The following GFOD1 variants were observed in gnomAD, a reference collection of about 807,000 sequenced individuals.
GFOD1 encodes glucose-fructose oxidoreductase domain-containing protein 1.
In GFOD1, 9 loss-of-function variants were observed where a neutral mutation model predicts 25.4. That is an observed-to-expected ratio of 0.35 (90% CI 0.21 to 0.62). The LOEUF (loss-of-function observed/expected upper bound fraction) is 0.62. Ranked by LOEUF, GFOD1 falls within the 20% of genes least tolerant of loss-of-function variation. The pLI, the probability that GFOD1 is intolerant of heterozygous loss-of-function variation, is 0.72. For missense variants in GFOD1, 403 were observed against 556.9 expected (o/e 0.72, Z 2.78); for synonymous variants, 253 against 245.6 (o/e 1.03, Z -0.28).
Position 13,363,285 on chromosome 6 carries a change from T to A in GFOD1, c.*1458A>T, listed in dbSNP as rs2127553898. 6.6e-6 allele frequency: 1 copy of A among 152,068 alleles called. No homozygotes were observed. Among genetic ancestry groups the A allele is most frequent in the Non-Finnish European group, 1.5e-5 (1 of 68,030 alleles). The allele number at this position is 152,068 out of a possible 1,614,324, so 9.4% of individuals were successfully genotyped here. A position where few individuals can be genotyped will look rare whatever the true frequency, so the allele number is the denominator to read the frequency against. On this transcript the variant is annotated 3_prime_UTR_variant, in exon 2 of 2. Coordinates refer to ENST00000379287, the MANE Select transcript of GFOD1 (RefSeq NM_018988.4). ...TCTGTTCCCTTTTGGCACTGCCTGC[T>A]CCCAGCCTGCAGTTCAGCATCTCTA...
chr6:13,405,130 G>A (rs1043698037), intron 1 of GFOD1, among the ~76,000 whole-genome samples: 1 of 152,082 alleles, frequency 6.6e-6, no homozygotes, highest in African/African-American at 2.4e-5. Flanking sequence ...GGTTTGCAGA[G>A]CCTCTTCTTT....
At chr6:13,378,591 T>C (rs1001799241) in intron 1 of GFOD1, among the ~76,000 whole-genome samples, 3 of 152,196 alleles carry the variant, frequency 2.0e-5, no homozygotes, top group African/African-American at 4.8e-5. Flanking sequence ...CCAGCCATTA[T>C]AGTGCTGGGG....
Position 13,482,251 on chromosome 6 carries a change from AAT to A in GFOD1, c.253+4385_253+4386del, listed in dbSNP as rs1428615066. Among the ~76,000 whole-genome samples, 9 of 148,564 alleles carry A rather than the reference AAT, an allele frequency of 6.1e-5. No homozygotes were observed. The South Asian group carries it at 1.9e-3, about 31-fold the overall frequency. On this transcript the variant is annotated intron_variant, in intron 1 of 1. Coordinates refer to ENST00000379287, the MANE Select transcript of GFOD1 (RefSeq NM_018988.4). ...TAATGCATATTAACTGATTAAATAT[AAT>A]TTATATTAATATTTATATTGCTTAA...
At chr6:13,464,244 G>A (rs562682604) in intron 1 of GFOD1, among the ~76,000 whole-genome samples, 2 of 152,260 alleles carry the variant, frequency 1.3e-5, no homozygotes, top group East Asian at 3.9e-4. Context: ...TGGACACACA[G>A]CCAGGCAAGT....
chr6:13,421,585 C>T (rs1442507615), intron 1 of GFOD1, among the ~76,000 whole-genome samples: 1 of 152,142 alleles, frequency 6.6e-6, no homozygotes, highest in Non-Finnish European at 1.5e-5. Flanking sequence ...CCACACTATC[C>T]CAACCTCTAT....
intron 1 of GFOD1, among the ~76,000 whole-genome samples, chr6:13,428,485 C>T (rs1757683949): frequency 7.1e-6 from 1 of 140,002 alleles, no homozygotes; most frequent in Admixed American, 7.3e-5. Context: ...TTTTCCATCA[C>T]CTTCTGATCT....
chr6:13,469,996 T>A (rs1360406189), intron 1 of GFOD1: 1 of 1,325,748 alleles, frequency 7.5e-7, no homozygotes, highest in Admixed American at 2.2e-5. Flanking sequence ...TGCCATATCT[T>A]ATATGCCTTT....
At chr6:13,443,642 C>T (rs759037926) in intron 1 of GFOD1, among the ~76,000 whole-genome samples, 6 of 151,874 alleles carry the variant, frequency 4.0e-5, no homozygotes, top group Non-Finnish European at 8.8e-5. Flanking sequence ...ATGGTGAAAC[C>T]CCGTCTCAAC....
intron 1 of GFOD1, among the ~76,000 whole-genome samples, chr6:13,366,180 GT>G (rs1013432248): frequency 2.6e-5 from 4 of 152,016 alleles, no homozygotes; most frequent in African/African-American, 9.7e-5. Context: ...TTAATTTGTT[GT>G]TTTTTGTTTG....
intron 1 of GFOD1, among the ~76,000 whole-genome samples, chr6:13,409,293 GAAGGAAGA>G (rs1290906647): frequency 2.9e-5 from 1 of 34,252 alleles, no homozygotes; most frequent in African/African-American, 4.1e-5. Flanking sequence ...AGAGAGGAAG[GAAGGAAGA>G]AAGGAAGGAA....
rs1785932369 is a variant in GFOD1 at position 13,405,687 on chromosome 6, T to C, written c.254-40025A>G. ...GTGGTCTTGCTGGTGACCGTGGCTA[T>C]AGTAAAGTTTGAGATGGAATGAAAC... On this transcript the variant is annotated intron_variant, in intron 1 of 1. Transcript: ENST00000379287. Among the ~76,000 whole-genome samples the C allele has an allele frequency of 2.0e-5, 3 of 152,194 alleles. No homozygotes were observed. The South Asian group carries it at 6.2e-4, about 32-fold the overall frequency.
At chr6:13,373,336 C>T (rs957737610) in intron 1 of GFOD1, among the ~76,000 whole-genome samples, 6 of 151,970 alleles carry the variant, frequency 3.9e-5, no homozygotes, top group African/African-American at 1.2e-4. Context: ...GAGTTTGGTT[C>T]GGGTATAAAA....
intron 1 of GFOD1, among the ~76,000 whole-genome samples, chr6:13,480,022 G>A (rs1407165691): frequency 6.6e-6 from 1 of 152,152 alleles, no homozygotes; most frequent in Non-Finnish European, 1.5e-5. Flanking sequence ...GGCAATGCTG[G>A]CCAGCAAAAT....
rs781694398 is a variant in GFOD1, at chr6:13,481,585, ACACACACACACACG to A, written c.253+5039_253+5052del. Among the ~76,000 whole-genome samples the A allele has an allele frequency of 9.4e-5, 8 of 85,146 alleles. No homozygotes were observed. In the Admixed American group the frequency reaches 9.9e-4, roughly 11 times the overall value. 55.9% of individuals were successfully genotyped at this position (85,146 alleles called of 152,430 possible). A position where few individuals can be genotyped will look rare whatever the true frequency, so the allele number is the denominator to read the frequency against. ...CACACACACACACACACACACACAC[ACACACACACACACG>A]TGTGCACATGTGCTCACTTTCCCCA... is the stretch of plus-strand genomic sequence containing the variant. On this transcript the variant is annotated intron_variant, in intron 1 of 1. Coordinates refer to ENST00000379287, the MANE Select transcript of GFOD1 (RefSeq NM_018988.4).
chr6:13,425,839 C>T (rs1282089975), intron 1 of GFOD1, among the ~76,000 whole-genome samples: 1 of 135,262 alleles, frequency 7.4e-6, no homozygotes, highest in Non-Finnish European at 1.6e-5. Context: ...CTGGGCCACA[C>T]ATAAAATATA....
At chr6:13,376,782 G>T (rs969914617) in intron 1 of GFOD1, among the ~76,000 whole-genome samples, 13 of 152,120 alleles carry the variant, frequency 8.5e-5, no homozygotes, top group Non-Finnish European at 1.8e-4. Flanking sequence ...CATCCAAAAG[G>T]CTGGGAACCT....
chr6:13,421,381 C>G (rs1045907239), intron 1 of GFOD1, among the ~76,000 whole-genome samples: 1 of 152,070 alleles, frequency 6.6e-6, no homozygotes, highest in African/African-American at 2.4e-5. Flanking sequence ...GTAGTCCCAG[C>G]CACTCTGGAG....
rs1785017987 is a variant in GFOD1 at position 13,365,184 on chromosome 6, C to G, written c.732G>C (p.Glu244Asp). 6.2e-7 allele frequency: 1 copy of G among 1,614,010 alleles called. No homozygotes were observed. Among genetic ancestry groups the G allele is most frequent in the African/African-American group, 1.3e-5 (1 of 75,072 alleles). Residue 244 changes from glutamate (E) to aspartate (D), a missense_variant, in exon 2 of 2, where the codon GAG becomes GAC. Glu to Asp is a conservative substitution (Grantham distance 45). Transcript: ENST00000379287. This position sits in a 1 kb window ranked among gnomAD's most constrained non-coding sequence, Gnocchi z 9.2. ...CCACCACAGTGACATCCTGCTTGAACTCGCCGGGCACGTTGAAGTTGAGGG... is the reference window on the plus strand; with the variant it reads ...CCACCACAGTGACATCCTGCTTGAAGTCGCCGGGCACGTTGAAGTTGAGGG... ...TVTLNFNVPG[E>D]FKQDVTVVGS...
chr6:13,438,480 C>T (rs373882323), intron 1 of GFOD1, among the ~76,000 whole-genome samples: 17 of 152,126 alleles, frequency 1.1e-4, no homozygotes, highest in African/African-American at 3.9e-4. Context: ...AGTACCATCT[C>T]TGAATGTAAA....
Sources: allele counts gnomAD v4.1 joint callset (sites outside exome capture counted in the v4.1 genomes callset), GRCh38; gene constraint gnomAD v4.1.1; non-coding constraint Gnocchi (gnomAD v3.1); transcripts MANE v1.5; gene names NCBI Gene and HGNC (gene_info 2026-07-23, HGNC 2026-07-21).